ESRRG: variants seen among roughly 807,000 people sequenced by gnomAD.
The protein encoded by ESRRG is estrogen-related receptor gamma.
Under a neutral mutation model 44.0 loss-of-function variants are expected in ESRRG, and 13 were observed. That is an observed-to-expected ratio of 0.30 (90% CI 0.19 to 0.47). The LOEUF (loss-of-function observed/expected upper bound fraction) is 0.47, where lower values mean the gene tolerates loss of function less well. Among genes scored for constraint, ESRRG ranks in the 20% least tolerant of loss-of-function variants. ESRRG has a pLI of 1.00. For missense variants in ESRRG, 395 were observed against 580.6 expected, an observed-to-expected ratio of 0.68 and a Z score of 3.29; for synonymous variants, 215 against 214.6, an observed-to-expected ratio of 1.00 and a Z score of -0.02.
chr1:216,869,316 G>C (rs954007058), intron 2 of ESRRG, among the ~76,000 whole-genome samples: 2 of 151,974 alleles, frequency 1.3e-5, no homozygotes, highest in African/African-American at 4.8e-5. Context: ...AACATCATTT[G>C]CTGAAAGGAC....
intron 2 of ESRRG, among the ~76,000 whole-genome samples, chr1:216,762,714 A>T (rs2092858059): frequency 6.6e-6 from 1 of 151,846 alleles, no homozygotes; most frequent in Admixed American, 6.6e-5. Flanking sequence ...ATAATAAAAA[A>T]TAAATAAATA....
At chr1:216,802,094 C>T (rs1213798792) in intron 2 of ESRRG, among the ~76,000 whole-genome samples, 1 of 152,060 alleles carries the variant, frequency 6.6e-6, no homozygotes, top group African/African-American at 2.4e-5. Context: ...AAGACAATGT[C>T]CCTTCCCCCA....
At chr1:216,951,119 A>G (rs1371209409) in intron 1 of ESRRG, among the ~76,000 whole-genome samples, 1 of 152,194 alleles carries the variant, frequency 6.6e-6, no homozygotes, top group Admixed American at 6.5e-5. Flanking sequence ...TGTCAACAGC[A>G]GCATGTTCAT....
intron 2 of ESRRG, among the ~76,000 whole-genome samples, chr1:216,811,127 T>C (rs747135696): frequency 5.9e-5 from 9 of 152,152 alleles, no homozygotes; most frequent in Non-Finnish European, 1.3e-4. Flanking sequence ...TCTACAAAGA[T>C]TTCCTTTTTA....
rs574437391 is a variant in ESRRG at position 216,711,547 on chromosome 1, T to C, written c.56+11697A>G. Among the ~76,000 whole-genome samples the C allele has an allele frequency of 5.3e-5, 8 of 152,302 alleles. No individual in the cohort carries two copies. The South Asian group carries it at 1.2e-3, about 24-fold the overall frequency. ...TGCTCTTCCTAGGTCACTACTGTGT[T>C]CTAATAGGAGGTTTCTCTGGCATTT... On this transcript the variant is annotated intron_variant, in intron 1 of 6. Transcript: ENST00000408911.
At chr1:217,079,602 T>C (rs1402363487) in intron 1 of ESRRG, among the ~76,000 whole-genome samples, 6 of 152,236 alleles carry the variant, frequency 3.9e-5, no homozygotes, top group African/African-American at 9.6e-5. Flanking sequence ...ACTTTCTACC[T>C]ACATGAGGTT....
intron 6 of ESRRG, among the ~76,000 whole-genome samples, chr1:216,518,823 G>T (rs570053398): frequency 6.6e-6 from 1 of 152,240 alleles, no homozygotes; most frequent in South Asian, 2.1e-4. Context: ...TTTAACTTAC[G>T]CATAAAATAC....
intron 2 of ESRRG, among the ~76,000 whole-genome samples, chr1:216,770,099 C>T (rs2093317579): frequency 6.6e-6 from 1 of 151,876 alleles, no homozygotes; most frequent in African/African-American, 2.4e-5. Context: ...ATACCACAGA[C>T]ATTGAGAGAA....
At chr1:216,634,019 A>G (rs757313324) in intron 3 of ESRRG, among the ~76,000 whole-genome samples, 1 of 152,224 alleles carries the variant, frequency 6.6e-6, no homozygotes, top group Non-Finnish European at 1.5e-5. Context: ...TGCAACTCCA[A>G]TCTCTAACAG....
chr1:216,951,725 G>A (rs1578569427), intron 1 of ESRRG, among the ~76,000 whole-genome samples: 1 of 86,044 alleles, frequency 1.2e-5, no homozygotes, highest in Non-Finnish European at 2.7e-5. Flanking sequence ...CTATGTGTGT[G>A]TGTGTGTGTG....
chr1:216,568,250 G>T (rs974555079), intron 3 of ESRRG, 152 bp from the exon 4 acceptor site: 70 of 610,700 alleles, frequency 1.1e-4, no homozygotes, highest in Non-Finnish European at 2.6e-5. Context: ...ATAAGTGGTG[G>T]CTAAATCAAA....
chr1:216,805,768 G>A (rs2094772701), intron 2 of ESRRG, among the ~76,000 whole-genome samples: 3 of 151,640 alleles, frequency 2.0e-5, no homozygotes, highest in Admixed American at 6.6e-5. Flanking sequence ...TTAACCTTTA[G>A]GTGTTCGGTT....
intron 2 of ESRRG, among the ~76,000 whole-genome samples, chr1:216,660,543 C>T (rs1163060813): frequency 6.6e-6 from 1 of 152,214 alleles, no homozygotes; most frequent in African/African-American, 2.4e-5. Context: ...CTGCCTAACT[C>T]TAATCTTTTA....
Position 216,992,526 on chromosome 1 carries a change from T to G in ESRRG, c.-105-52853A>C, listed in dbSNP as rs116557961. Among the ~76,000 whole-genome samples, 145 of 152,310 alleles carry G rather than the reference T, an allele frequency of 9.5e-4. 1 individual carries two copies. The highest frequency in any genetic ancestry group is 1.6e-3 in the Non-Finnish European group (111 of 68,022). On this transcript the variant is annotated intron_variant, in intron 1 of 7. Transcript: ENST00000359162. The stretch of plus-strand genomic sequence containing the variant: ...ATAGTGCCTGACATAAAGTAAATGA[T>G]CAAAAAATGTTTGTTTAATTGTATT...
intron 2 of ESRRG, among the ~76,000 whole-genome samples, chr1:216,663,302 TC>T (rs1574969659): frequency 6.6e-6 from 1 of 152,160 alleles, no homozygotes; most frequent in African/African-American, 2.4e-5. Context: ...CTACATTCCT[TC>T]CTTTGAAGAT....
chr1:216,769,944 T>A (rs992847065), intron 2 of ESRRG, among the ~76,000 whole-genome samples: 2 of 152,052 alleles, frequency 1.3e-5, no homozygotes, highest in African/African-American at 4.8e-5. Context: ...AGAGAAATTA[T>A]AAAGAGGAAT....
intron 2 of ESRRG, among the ~76,000 whole-genome samples, chr1:216,910,153 A>T (rs2060144421): frequency 6.6e-6 from 1 of 152,132 alleles, no homozygotes; most frequent in Non-Finnish European, 1.5e-5. Context: ...ATAAAATACT[A>T]AAAACCATTA....
chr1:216,692,434 A>T (rs2079239592), intron 1 of ESRRG, among the ~76,000 whole-genome samples: 2 of 152,212 alleles, frequency 1.3e-5, no homozygotes, highest in Non-Finnish European at 2.9e-5. Flanking sequence ...TAAGAAAAAA[A>T]GTACAACTGT....
intron 5 of ESRRG, among the ~76,000 whole-genome samples, chr1:216,535,968 G>A (rs758039216): frequency 2.0e-5 from 3 of 151,998 alleles, no homozygotes; most frequent in African/African-American, 7.2e-5. Flanking sequence ...AATCACCAAT[G>A]ACCTAATTGC....
Sources: allele counts gnomAD v4.1 joint callset (sites outside exome capture counted in the v4.1 genomes callset), GRCh38; gene constraint gnomAD v4.1.1; transcripts MANE v1.5; gene names NCBI Gene and HGNC (gene_info 2026-07-23, HGNC 2026-07-21).